The following ST7L variants were observed in gnomAD, a reference collection of about 807,000 sequenced individuals.
ST7L encodes suppression of tumorigenicity 7 like.
Under a neutral mutation model 72.5 loss-of-function variants are expected in ST7L, and 57 were observed. That is an observed-to-expected ratio of 0.79 (90% CI 0.64 to 0.98). ST7L has a LOEUF of 0.98. Among genes scored for constraint, ST7L ranks in the 50% least tolerant of loss-of-function variants. The probability of loss-of-function intolerance (pLI) is 0.00; values close to 1 mark genes in which losing one functional copy is unlikely to be tolerated. For missense variants in ST7L, 576 were observed against 672.2 expected (o/e 0.86, Z 1.58); for synonymous variants, 221 against 240.9 (o/e 0.92, Z 0.77).
chr1:112,579,006 A>G (rs988656890), intron 9 of ST7L, among the ~76,000 whole-genome samples: 4 of 152,312 alleles, frequency 2.6e-5, no homozygotes, highest in Non-Finnish European at 5.9e-5. Context: ...ACCTCTCAAA[A>G]TAATGATATT....
chr1:112,610,639 C>T (rs943952286), intron 3 of ST7L: 3 of 573,986 alleles, frequency 5.2e-6, no homozygotes, highest in Non-Finnish European at 8.8e-6. Flanking sequence ...TAAGGGCATT[C>T]ATCACATCCC....
chr1:112,577,222 C>CA (rs879471946), intron 10 of ST7L, 134 bp from the exon 11 acceptor site: 39,765 of 298,696 alleles, frequency 0.13, 155 homozygotes, highest in Middle Eastern at 0.17. Flanking sequence ...AGAGGACTAA[C>CA]AAAAAAAAAA....
At chr1:112,542,296 G>T (rs1656232783) in intron 13 of ST7L, among the ~76,000 whole-genome samples, 4 of 152,122 alleles carry the variant, frequency 2.6e-5, no homozygotes, top group Non-Finnish European at 5.9e-5. Flanking sequence ...AACTGTGCTG[G>T]GTGTGGGAAC....
intron 11 of ST7L, among the ~76,000 whole-genome samples, chr1:112,566,605 G>C (rs889726077): frequency 6.6e-6 from 1 of 151,968 alleles, no homozygotes; most frequent in African/African-American, 2.4e-5. Flanking sequence ...CCATCAAAAC[G>C]TATCTTCTTT....
At chr1:112,591,644 A>T in intron 5 of ST7L, 41 bp from the exon 6 acceptor site, 1 of 1,499,850 alleles carries the variant, frequency 6.7e-7, no homozygotes, top group South Asian at 1.2e-5. Context: ...GATGGTAAAA[A>T]AATAATCTGC....
intron 6 of ST7L, among the ~76,000 whole-genome samples, chr1:112,589,916 G>A (rs1439667608): frequency 6.6e-6 from 1 of 152,216 alleles, no homozygotes; most frequent in Admixed American, 6.5e-5. Flanking sequence ...CCAGAAACAT[G>A]TGGGAGCTTT....
intron 3 of ST7L, among the ~76,000 whole-genome samples, chr1:112,609,512 CAG>C: frequency 7.3e-6 from 1 of 137,770 alleles, no homozygotes; most frequent in East Asian, 2.2e-4. Flanking sequence ...GCCTGGGCTA[CAG>C]AGACTTCGTC....
At chr1:112,604,025 C>T (rs567943317) in intron 3 of ST7L, among the ~76,000 whole-genome samples, 9 of 152,034 alleles carry the variant, frequency 5.9e-5, no homozygotes, top group Non-Finnish European at 1.2e-4. Context: ...TACATTAATT[C>T]GGCTGGGCAC....
At chr1:112,549,123 T>C (rs138393592) in intron 13 of ST7L, among the ~76,000 whole-genome samples, 1 of 152,150 alleles carries the variant, frequency 6.6e-6, no homozygotes, top group Non-Finnish European at 1.5e-5. Flanking sequence ...CCAGCCATGG[T>C]GGTTCACGCC....
Position 112,523,968 on chromosome 1 carries a change from G to A in ST7L, c.*2045C>T, listed in dbSNP as rs939155217. On this transcript the variant is annotated 3_prime_UTR_variant, in exon 15 of 15. Coordinates refer to ENST00000358039, the MANE Select transcript of ST7L (RefSeq NM_017744.5). Reference sequence around the variant, plus strand: ...AATCCACACTCTTCCTTAGAGTGATGCTGGAAAAATAAAATCAGGGGCTTC... The same window carrying A: ...AATCCACACTCTTCCTTAGAGTGATACTGGAAAAATAAAATCAGGGGCTTC... 1.3e-5 allele frequency: 2 copies of A among 151,410 alleles called. No homozygotes were observed. Among genetic ancestry groups the A allele is most frequent in the Admixed American group, 6.6e-5 (1 of 15,190 alleles). 9.4% of individuals were successfully genotyped at this position (151,410 alleles called of 1,614,324 possible).
intron 9 of ST7L, among the ~76,000 whole-genome samples, chr1:112,578,866 G>A (rs1663589101): frequency 1.3e-5 from 2 of 152,190 alleles, no homozygotes; most frequent in African/African-American, 4.8e-5. Context: ...TGGACGTGAT[G>A]TTGAAAAATC....
At chr1:112,611,122 A>G in intron 2 of ST7L, 119 bp from the exon 3 acceptor site, 1 of 893,496 alleles carries the variant, frequency 1.1e-6, no homozygotes. Flanking sequence ...CTCTCCTTTC[A>G]AAAAGAAAAA....
intron 1 of ST7L, 118 bp from the exon 2 acceptor site, chr1:112,617,013 A>C: frequency 1.6e-6 from 1 of 622,578 alleles, no homozygotes; most frequent in South Asian, 2.0e-5. Flanking sequence ...TCTAGTGTGA[A>C]ATTCACTTGA....
intron 11 of ST7L, among the ~76,000 whole-genome samples, chr1:112,573,119 C>A (rs375496842): frequency 6.6e-6 from 1 of 151,922 alleles, no homozygotes; most frequent in East Asian, 1.9e-4. Flanking sequence ...GAGGCCGAGG[C>A]GGGCTGATCA....
Position 112,556,686 on chromosome 1 carries a change from C to A in ST7L, c.1246-668G>T, listed in dbSNP as rs1316713446. Reference sequence around the variant, plus strand: ...GTGAGTACTTTATTAGAGGTATACACAATGTACAAGGCCGAGTGCGCTGGC... The same window carrying A: ...GTGAGTACTTTATTAGAGGTATACAAAATGTACAAGGCCGAGTGCGCTGGC... On this transcript the variant is annotated intron_variant, in intron 11 of 14. Transcript: ENST00000358039. Among the ~76,000 whole-genome samples, 6 of 151,928 alleles carry A rather than the reference C, an allele frequency of 3.9e-5. No homozygotes were observed. The East Asian group carries it at 1.2e-3, about 29-fold the overall frequency.
intron 11 of ST7L, among the ~76,000 whole-genome samples, chr1:112,573,348 C>CAA (rs35107656): frequency 3.5e-3 from 241 of 68,494 alleles, no homozygotes; most frequent in Non-Finnish European, 3.9e-3. Flanking sequence ...AACTCCCTCT[C>CAA]AAAAAAAAAA....
intron 14 of ST7L, among the ~76,000 whole-genome samples, chr1:112,532,714 A>G (rs545429162): frequency 1.3e-5 from 2 of 152,188 alleles, no homozygotes; most frequent in Non-Finnish European, 2.9e-5. Flanking sequence ...ATCCCAAATA[A>G]TTTCTCTCCT....
chr1:112,561,085 A>C (rs1660048425), intron 11 of ST7L, among the ~76,000 whole-genome samples: 1 of 152,104 alleles, frequency 6.6e-6, no homozygotes. Context: ...CTCTGGGAAA[A>C]CTAAAACCAA....
chr1:112,569,718 G>A (rs1661722494), intron 11 of ST7L, among the ~76,000 whole-genome samples: 1 of 152,166 alleles, frequency 6.6e-6, no homozygotes, highest in Non-Finnish European at 1.5e-5. Flanking sequence ...CATGACTATG[G>A]GAGGCCGAGG....
Sources: gnomAD v4.1 joint callset for allele counts (sites outside exome capture counted in the v4.1 genomes callset) on GRCh38, gnomAD v4.1.1 for gene constraint, MANE v1.5 for transcripts, NCBI Gene and HGNC (gene_info 2026-07-23, HGNC 2026-07-21) for gene names.